The following PCDH11Y variants were observed in gnomAD, a reference collection of about 807,000 sequenced individuals.
PCDH11Y encodes protocadherin 11 Y-linked.
For synonymous variants in PCDH11Y, 9 were observed against 83.6 expected (o/e 0.11, Z 4.87); for missense variants, 12 against 224.8 (o/e 0.05, Z 6.05).
intron 2 of PCDH11Y, among the ~76,000 whole-genome samples, chrY:5,312,932 TA>T (rs2053103337): frequency 6.1e-5 from 2 of 32,577 alleles, no homozygotes; most frequent in Non-Finnish European, 1.5e-4. Context: ...TGTTAACAAA[TA>T]AAAATAAACA....
chrY:5,237,037 C>T (rs2052976035), intron 2 of PCDH11Y, among the ~76,000 whole-genome samples: 1 of 32,879 alleles, frequency 3.0e-5, no homozygotes, highest in South Asian at 6.5e-4. Context: ...ATAAATAATT[C>T]GAAAGAGGAC....
intron 4 of PCDH11Y, among the ~76,000 whole-genome samples, chrY:5,731,117 C>T: frequency 3.1e-5 from 1 of 32,101 alleles, no homozygotes; most frequent in African/African-American, 1.2e-4. Flanking sequence ...CAGGATGATG[C>T]TGGCCTCATA....
intron 4 of PCDH11Y, among the ~76,000 whole-genome samples, chrY:5,722,695 A>G: frequency 3.2e-5 from 1 of 31,392 alleles, no homozygotes; most frequent in Non-Finnish European, 7.9e-5. Flanking sequence ...GTAAGAAATA[A>G]TTTTTTATCC....
chrY:5,392,369 C>CA (rs56793888), intron 2 of PCDH11Y, among the ~76,000 whole-genome samples: 436 of 5,286 alleles, frequency 0.082, no homozygotes, highest in African/African-American at 0.27. Context: ...GACTCCGTCT[C>CA]AAAAAAAAAA....
At chrY:5,696,669 CT>C (rs755900804) in intron 4 of PCDH11Y, among the ~76,000 whole-genome samples, 19 of 31,874 alleles carry the variant, frequency 6.0e-4, no homozygotes, top group East Asian at 5.1e-3. Context: ...GGTTTGTTTG[CT>C]TTTGGTTCTC....
chrY:5,687,556 A>G, intron 4 of PCDH11Y, among the ~76,000 whole-genome samples: 1 of 27,961 alleles, frequency 3.6e-5, no homozygotes, highest in Non-Finnish European at 8.5e-5. Context: ...GTAAGCCGCG[A>G]TGGCGCCACT....
At chrY:5,536,116 C>T (rs2053400157) in intron 3 of PCDH11Y, among the ~76,000 whole-genome samples, 1 of 31,504 alleles carries the variant, frequency 3.2e-5, no homozygotes, top group Non-Finnish European at 7.7e-5. Context: ...CTAGTAGAGA[C>T]GGGATTTCAC....
intron 2 of PCDH11Y, among the ~76,000 whole-genome samples, chrY:5,293,064 C>T: frequency 3.2e-5 from 1 of 31,060 alleles, no homozygotes; most frequent in Non-Finnish European, 7.8e-5. Flanking sequence ...GTTTTTATAG[C>T]TTCCACAATT....
chrY:5,202,521 T>G, intron 2 of PCDH11Y, among the ~76,000 whole-genome samples: 1 of 33,359 alleles, frequency 3.0e-5, no homozygotes, highest in Non-Finnish European at 7.4e-5. Context: ...TTTCCCCAGA[T>G]TCAGCAATCT....
chrY:5,330,076 A>T (rs2053128663), intron 2 of PCDH11Y, among the ~76,000 whole-genome samples: 1 of 32,645 alleles, frequency 3.1e-5, no homozygotes, highest in Non-Finnish European at 7.5e-5. Context: ...CCGAAAAGAG[A>T]GTCAGCGAAG....
intron 4 of PCDH11Y, among the ~76,000 whole-genome samples, chrY:5,707,416 TTGTG>T: frequency 7.1e-5 from 2 of 27,982 alleles, no homozygotes; most frequent in Non-Finnish European, 1.7e-4. Context: ...TTTCATATAC[TTGTG>T]TGTGTGTGTG....
intron 2 of PCDH11Y, among the ~76,000 whole-genome samples, chrY:5,176,719 C>T: frequency 9.4e-5 from 3 of 31,922 alleles, no homozygotes; most frequent in Non-Finnish European, 2.3e-4. Context: ...CTAAGTATCC[C>T]GAAAACATCC....
At chrY:5,395,610 T>C in intron 2 of PCDH11Y, among the ~76,000 whole-genome samples, 1 of 32,242 alleles carries the variant, frequency 3.1e-5, no homozygotes, top group Non-Finnish European at 7.6e-5. Flanking sequence ...AATGAGAAAA[T>C]ATAGTAGTAG....
At chrY:5,126,500 A>T (rs2124640643) in intron 2 of PCDH11Y, among the ~76,000 whole-genome samples, 1 of 32,063 alleles carries the variant, frequency 3.1e-5, no homozygotes, top group East Asian at 8.3e-4. Flanking sequence ...CTGATTAATA[A>T]GCCAAGAGTT....
chrY:5,153,966 GA>G (rs1165648161), intron 2 of PCDH11Y, among the ~76,000 whole-genome samples: 24 of 10,143 alleles, frequency 2.4e-3, no homozygotes, highest in African/African-American at 6.9e-3. Context: ...AGAGTAAGAG[GA>G]AAAAAAAAAA....
chrY:5,592,119 G>C lies in PCDH11Y; in HGVS notation c.3352+10321G>C, dbSNP rs2124698581. Among the ~76,000 whole-genome samples the C allele has an allele frequency of 1.6e-4, 5 of 31,764 alleles. No homozygotes were observed. The East Asian group carries it at 4.3e-3, about 27-fold the overall frequency. 85.2% of individuals were successfully genotyped at this position (31,764 alleles called of 37,273 possible). On this transcript the variant is annotated intron_variant, in intron 4 of 4. Coordinates refer to the PCDH11Y transcript ENST00000400457. ...ATTATCTGTCTAATACTGTCAAAGGGTGTTGAAATCTCCCACTATTATTTT... is the reference window on the plus strand; with the variant it reads ...ATTATCTGTCTAATACTGTCAAAGGCTGTTGAAATCTCCCACTATTATTTT...
chrY:5,251,946 G>A lies in PCDH11Y; in HGVS notation c.3129+151239G>A, dbSNP rs2053004687. 1.9e-4 allele frequency among the ~76,000 whole-genome samples: 6 copies of A among 32,398 alleles called. No individual in the cohort carries two copies. The South Asian group carries it at 4.2e-3, about 22-fold the overall frequency. 86.9% of individuals were successfully genotyped at this position (32,398 alleles called of 37,273 possible). On this transcript the variant is annotated intron_variant, in intron 2 of 4. Transcript: ENST00000400457. The stretch of plus-strand genomic sequence containing the variant: ...ATTTACATCTACCAGCTATCTAGAC[G>A]TCAAATAATATAGAACATAGGGGGC...
At chrY:5,237,242 T>C (rs1602890692) in intron 2 of PCDH11Y, among the ~76,000 whole-genome samples, 4 of 33,052 alleles carry the variant, frequency 1.2e-4, no homozygotes, top group Non-Finnish European at 3.0e-4. Context: ...CATAATTCTA[T>C]TGGACAAAAG....
chrY:5,385,954 A>C, intron 2 of PCDH11Y, among the ~76,000 whole-genome samples: 1 of 33,083 alleles, frequency 3.0e-5, no homozygotes, highest in African/African-American at 1.2e-4. Flanking sequence ...CCACTCTGTA[A>C]GATTTGTTCT....
Sources: gnomAD v4.1 joint callset for allele counts (sites outside exome capture counted in the v4.1 genomes callset) on GRCh38, gnomAD v4.1.1 for gene constraint, MANE v1.5 for transcripts, NCBI Gene and HGNC (gene_info 2026-07-23, HGNC 2026-07-21) for gene names.